RAB30: variants seen among roughly 807,000 people sequenced by gnomAD.
RAB30 encodes the protein ras-related protein Rab-30.
Under a neutral mutation model 25.1 loss-of-function variants are expected in RAB30, and 9 were observed. That is an observed-to-expected ratio of 0.36 (90% CI 0.22 to 0.63). RAB30 has a LOEUF of 0.63. Ranked by LOEUF, RAB30 falls within the 20% of genes least tolerant of loss-of-function variation. RAB30 has a pLI of 0.69. For missense variants in RAB30, 140 were observed against 243.5 expected, an observed-to-expected ratio of 0.58 and a Z score of 2.83; for synonymous variants, 77 against 86.4, an observed-to-expected ratio of 0.89 and a Z score of 0.60.
intron 1 of RAB30, chr11:83,034,880 T>C (rs1857952576): frequency 6.6e-6 from 1 of 151,898 alleles, no homozygotes; most frequent in Admixed American, 6.6e-5. Flanking sequence ...AAGTTCAGTG[T>C]GGGTGAGGCT....
intron 4 of RAB30, among the ~76,000 whole-genome samples, chr11:82,984,856 A>G (rs905126914): frequency 3.9e-5 from 6 of 152,220 alleles, no homozygotes; most frequent in African/African-American, 1.2e-4. Context: ...AAATTATCCA[A>G]CATTCCTGGG....
At position 82,982,349 on chromosome 11, in the gene RAB30, G is replaced by A. The variant is rs1266344189; in HGVS notation, c.428C>T (p.Ala143Val). ...GGTCTCCAGATAATACATGTCCTGAGCTTCTGAGAATTCTTCAGCTCGCTG... is the reference window on the plus strand; with the variant it reads ...GGTCTCCAGATAATACATGTCCTGAACTTCTGAGAATTCTTCAGCTCGCTG... Reference protein sequence around the residue: ...SQQRAEEFSEAQDMYYLETSA... With the variant: ...SQQRAEEFSEVQDMYYLETSA... Residue 143 changes from alanine to valine, a missense_variant, in exon 5 of 5, where the codon GCT (alanine) becomes GTT (valine). Transcript: ENST00000527633. 1 of 1,614,020 alleles carries A rather than the reference G, an allele frequency of 6.2e-7. No individual in the cohort carries two copies. Among genetic ancestry groups the A allele is most frequent in the Non-Finnish European group, 8.5e-7 (1 of 1,180,004 alleles).
At chr11:83,065,642 G>A (rs1357115414) in intron 1 of RAB30, among the ~76,000 whole-genome samples, 1 of 152,166 alleles carries the variant, frequency 6.6e-6, no homozygotes, top group Admixed American at 6.5e-5. Context: ...ATCAGGTTGT[G>A]TAGTTACACT....
chr11:83,068,431 T>G (rs1343038378), intron 1 of RAB30, among the ~76,000 whole-genome samples: 1 of 152,058 alleles, frequency 6.6e-6, no homozygotes, highest in East Asian at 1.9e-4. Flanking sequence ...TCTGACCAAG[T>G]CTTTCCTTCA....
chr11:82,994,623 A>G (rs1341294126), intron 2 of RAB30, among the ~76,000 whole-genome samples: 1 of 152,202 alleles, frequency 6.6e-6, no homozygotes, highest in Non-Finnish European at 1.5e-5. Flanking sequence ...ATGAAAAAAC[A>G]AATAAGAACT....
In RAB30 at chr11:82,994,646, C is replaced by T. The variant is rs529980562; in HGVS notation, c.94-524G>A. Among the ~76,000 whole-genome samples the T allele has an allele frequency of 4.3e-4, 65 of 152,250 alleles. 1 individual carries two copies. The highest frequency in any genetic ancestry group is 1.5e-3 in the African/African-American group (64 of 41,554). On this transcript the variant is annotated intron_variant, in intron 2 of 4. Transcript: ENST00000527633. ...ACAAATAAGAACTCAGCATGAGAAG[C>T]GGGAATAAGACAGTTTTGGGATCTG...
rs1033608412 is a variant in RAB30, at chr11:83,050,794, T to C, written c.-9+20897A>G. ...TTTTCTCAGTGGTACATAAAATACT[T>C]GTACATGTTAGAAATGATGGTGACA... On this transcript the variant is annotated intron_variant, in intron 1 of 4. Coordinates refer to ENST00000527633, the MANE Select transcript of RAB30 (RefSeq NM_001286060.2). Among the ~76,000 whole-genome samples the C allele has an allele frequency of 2.0e-5, 3 of 152,326 alleles. No homozygotes were observed. The East Asian group carries it at 5.8e-4, about 29-fold the overall frequency.
intron 3 of RAB30, among the ~76,000 whole-genome samples, chr11:82,989,472 A>G (rs1856806829): frequency 6.6e-6 from 1 of 152,184 alleles, no homozygotes; most frequent in Non-Finnish European, 1.5e-5. Context: ...GCTAAAGGCC[A>G]CTGTACAGAT....
At chr11:83,014,368 T>A (rs1008397941) in intron 1 of RAB30, among the ~76,000 whole-genome samples, 2 of 151,998 alleles carry the variant, frequency 1.3e-5, no homozygotes, top group Non-Finnish European at 2.9e-5. Flanking sequence ...GACAACACAG[T>A]GAGACCTCAT....
At chr11:83,004,241 T>A (rs985451774) in intron 1 of RAB30, among the ~76,000 whole-genome samples, 1 of 152,196 alleles carries the variant, frequency 6.6e-6, no homozygotes, top group Non-Finnish European at 1.5e-5. Flanking sequence ...TATAGTTTTT[T>A]AAAAATAAAT....
chr11:82,991,074 C>A (rs1856840524), intron 3 of RAB30, among the ~76,000 whole-genome samples: 1 of 152,122 alleles, frequency 6.6e-6, no homozygotes, highest in African/African-American at 2.4e-5. Flanking sequence ...TGCCACTCAC[C>A]AAGCGGGTGA....
Position 82,981,999 on chromosome 11 carries a change from G to T in RAB30, c.*166C>A. 2 of 863,160 alleles carry T rather than the reference G, an allele frequency of 2.3e-6. No homozygotes were observed. The highest frequency in any genetic ancestry group is 3.6e-6 in the Non-Finnish European group (2 of 559,832). 53.5% of individuals were successfully genotyped at this position (863,160 alleles called of 1,614,324 possible). On this transcript the variant is annotated 3_prime_UTR_variant, in exon 5 of 5. Coordinates refer to ENST00000527633, the MANE Select transcript of RAB30 (RefSeq NM_001286060.2). ...TGAAACCATTATATGTTCTGCTAATGCTGGCCTGTGGTCGAGGCCCTTGGC... is the reference window on the plus strand; with the variant it reads ...TGAAACCATTATATGTTCTGCTAATTCTGGCCTGTGGTCGAGGCCCTTGGC...
At chr11:82,986,607 G>A (rs1184828577) in intron 4 of RAB30, among the ~76,000 whole-genome samples, 2 of 152,210 alleles carry the variant, frequency 1.3e-5, no homozygotes, top group Non-Finnish European at 2.9e-5. Flanking sequence ...CCAGCAGCCT[G>A]AAGGAAAAGT....
In RAB30 at chr11:83,020,220, C is replaced by A. The variant is rs138335121; in HGVS notation, c.-8-22896G>T. ...CTGCAGACCCAGGTATCCCTGTACT[C>A]TTGGGGGTCCAGGAAGGCCCCCGCT... On this transcript the variant is annotated intron_variant, in intron 1 of 4. Coordinates refer to ENST00000527633, the MANE Select transcript of RAB30 (RefSeq NM_001286060.2). 5.4e-3 allele frequency among the ~76,000 whole-genome samples: 824 copies of A among 152,366 alleles called. 7 individuals are homozygous for A. The highest frequency in any genetic ancestry group is 0.019 in the African/African-American group (777 of 41,598).
intron 1 of RAB30, among the ~76,000 whole-genome samples, chr11:83,059,086 G>A (rs1201669073): frequency 5.9e-5 from 9 of 152,134 alleles, no homozygotes; most frequent in Non-Finnish European, 1.2e-4. Context: ...GGGACTACAG[G>A]CACATGACAC....
chr11:83,061,786 A>G (rs1293241742), intron 1 of RAB30, among the ~76,000 whole-genome samples: 1 of 146,770 alleles, frequency 6.8e-6, no homozygotes, highest in Non-Finnish European at 1.5e-5. Context: ...CCTGGGCTCA[A>G]GCATTCTTCC....
intron 1 of RAB30, among the ~76,000 whole-genome samples, chr11:83,014,686 GAAA>G (rs1565277227): frequency 8.2e-5 from 11 of 134,500 alleles, no homozygotes; most frequent in South Asian, 2.3e-4. Flanking sequence ...AAGAAAGAAA[GAAA>G]GAAAGAGAAA....
chr11:82,992,667 T>G (rs1211344458), intron 3 of RAB30, among the ~76,000 whole-genome samples: 1 of 151,744 alleles, frequency 6.6e-6, no homozygotes. Flanking sequence ...AGCTGGGCTA[T>G]CCTTCCTTTC....
rs1325485462 is a variant in RAB30, at chr11:82,976,945, AAACC to A, written c.*5216_*5219del. ...AAACTCATGTATTCTCAAGAGAATC[AAACC>A]AACTAAGGAAATGTCATTGATACTT... On this transcript the variant is annotated 3_prime_UTR_variant, in exon 5 of 5. Transcript: ENST00000527633. 6.6e-6 allele frequency: 1 copy of A among 152,196 alleles called. No individual in the cohort carries two copies. Among genetic ancestry groups the A allele is most frequent in the Non-Finnish European group, 1.5e-5 (1 of 68,028 alleles). The allele number at this position is 152,196 out of a possible 1,614,324, so 9.4% of individuals were successfully genotyped here. A position where few individuals can be genotyped will look rare whatever the true frequency, so the allele number is the denominator to read the frequency against.
Sources: allele counts gnomAD v4.1 joint callset (sites outside exome capture counted in the v4.1 genomes callset), GRCh38; gene constraint gnomAD v4.1.1; transcripts MANE v1.5; gene names NCBI Gene and HGNC (gene_info 2026-07-23, HGNC 2026-07-21).